The following CLSTN2 variants were observed in gnomAD, a reference collection of about 807,000 sequenced individuals.
The protein encoded by CLSTN2 is calsyntenin 2, also known as calsyntenin-2.
In CLSTN2, 48 loss-of-function variants were observed where a neutral mutation model predicts 101.2. The ratio of observed to expected loss-of-function variants is 0.47; its 90% CI spans 0.38 to 0.60. CLSTN2 has a LOEUF of 0.60. Among genes scored for constraint, CLSTN2 ranks in the 20% least tolerant of loss-of-function variants. CLSTN2 has a pLI of 0.00. For missense variants in CLSTN2, 1,160 were observed against 1,238.2 expected (o/e 0.94, Z 0.95); for synonymous variants, 481 against 463.6 (o/e 1.04, Z -0.48).
intron 2 of CLSTN2, among the ~76,000 whole-genome samples, chr3:140,392,473 T>C (rs1199822026): frequency 6.6e-6 from 1 of 152,160 alleles, no homozygotes; most frequent in Non-Finnish European, 1.5e-5. Flanking sequence ...GAAAAATTGA[T>C]TCACATAACC....
chr3:140,353,863 A>G (rs542207540), intron 2 of CLSTN2, among the ~76,000 whole-genome samples: 4 of 152,298 alleles, frequency 2.6e-5, no homozygotes, highest in African/African-American at 7.2e-5. Context: ...CCTGGGTTCA[A>G]CTAAACAGGC....
intron 1 of CLSTN2, among the ~76,000 whole-genome samples, chr3:140,030,410 A>G (rs909393359): frequency 6.6e-6 from 1 of 150,560 alleles, no homozygotes; most frequent in Admixed American, 6.6e-5. Flanking sequence ...CAGCTGTGTC[A>G]TTGGAAGGCT....
In CLSTN2 at chr3:139,958,104, C is replaced by A. The variant is rs533802275; in HGVS notation, c.109+22621C>A. On this transcript the variant is annotated intron_variant, in intron 1 of 16. Coordinates refer to ENST00000458420, the MANE Select transcript of CLSTN2 (RefSeq NM_022131.3). Reference sequence around the variant, plus strand: ...GGGTGCCTGGCTGCTTGCTCTCCTTCAAAAGGAGAAACTAGGGGCCAACTC... The same window carrying A: ...GGGTGCCTGGCTGCTTGCTCTCCTTAAAAAGGAGAAACTAGGGGCCAACTC... 3.3e-5 allele frequency among the ~76,000 whole-genome samples: 5 copies of A among 152,310 alleles called. No homozygotes were observed. In the South Asian group the frequency reaches 1.0e-3, roughly 32 times the overall value.
At position 140,134,910 on chromosome 3, in the gene CLSTN2, G is replaced by C. The variant is rs539622389; in HGVS notation, c.110-41041G>C. ...TGTGAAGAATTACCTAAGCTGGCTT[G>C]TTAAAAGAAGGTTGGAAAGGTGACT... On this transcript the variant is annotated intron_variant, in intron 1 of 16. Transcript: ENST00000458420. Among the ~76,000 whole-genome samples the C allele has an allele frequency of 4.6e-5, 7 of 151,934 alleles. No homozygotes were observed. In the South Asian group the frequency reaches 1.0e-3, roughly 23 times the overall value.
At chr3:140,453,444 A>G (rs1933299182) in intron 6 of CLSTN2, among the ~76,000 whole-genome samples, 1 of 152,214 alleles carries the variant, frequency 6.6e-6, no homozygotes, top group South Asian at 2.1e-4. Context: ...CTCCTGCACA[A>G]ATTTATTAAT....
intron 2 of CLSTN2, among the ~76,000 whole-genome samples, chr3:140,237,007 T>C (rs2086424403): frequency 6.6e-6 from 1 of 152,154 alleles, no homozygotes; most frequent in South Asian, 2.1e-4. Flanking sequence ...CTACGAACTA[T>C]CTCTTCTCCT....
chr3:140,418,238 A>T (rs149544049), intron 4 of CLSTN2, among the ~76,000 whole-genome samples: 1 of 152,146 alleles, frequency 6.6e-6, no homozygotes, highest in Non-Finnish European at 1.5e-5. Context: ...ATAACCACAT[A>T]TAAGTTTGAG....
At chr3:140,269,446 G>A (rs1164473643) in intron 2 of CLSTN2, among the ~76,000 whole-genome samples, 2 of 152,184 alleles carry the variant, frequency 1.3e-5, no homozygotes, top group Admixed American at 6.5e-5. Flanking sequence ...ATACCTGCTG[G>A]CAGGGATGGC....
chr3:140,003,818 A>G (rs1336628463), intron 1 of CLSTN2, among the ~76,000 whole-genome samples: 5 of 152,172 alleles, frequency 3.3e-5, no homozygotes, highest in Non-Finnish European at 7.3e-5. Flanking sequence ...TGTTGATGTG[A>G]TGTAACACAT....
chr3:140,389,350 CA>C (rs1424274984), intron 2 of CLSTN2, among the ~76,000 whole-genome samples: 1 of 152,186 alleles, frequency 6.6e-6, no homozygotes, highest in East Asian at 1.9e-4. Flanking sequence ...CATGTGTTCT[CA>C]TTGTTCAGCT....
chr3:140,504,451 G>C (rs908668966), intron 8 of CLSTN2, among the ~76,000 whole-genome samples: 1 of 152,012 alleles, frequency 6.6e-6, no homozygotes, highest in Non-Finnish European at 1.5e-5. Flanking sequence ...TGAACACTCT[G>C]CATTTTTATG....
At chr3:140,497,514 C>A (rs1474686738) in intron 8 of CLSTN2, among the ~76,000 whole-genome samples, 1 of 152,168 alleles carries the variant, frequency 6.6e-6, no homozygotes, top group Non-Finnish European at 1.5e-5. Context: ...GCAGAAATGG[C>A]GGCCGCCCCC....
At position 140,435,682 on chromosome 3, in the gene CLSTN2, A is replaced by G. The variant is rs1016905852; in HGVS notation, c.788-12837A>G. On this transcript the variant is annotated intron_variant, in intron 5 of 16. Transcript: ENST00000458420. ...AGTAGTTGTATTAATTTACATTCCC[A>G]CCAACAGTGTACAAGGGTTCCCTTT... Among the ~76,000 whole-genome samples the G allele has an allele frequency of 2.0e-5, 3 of 152,200 alleles. No homozygotes were observed. The East Asian group carries it at 5.8e-4, about 29-fold the overall frequency.
chr3:140,026,872 T>C (rs1398845250), intron 1 of CLSTN2, among the ~76,000 whole-genome samples: 1 of 152,184 alleles, frequency 6.6e-6, no homozygotes, highest in African/African-American at 2.4e-5. Context: ...GGTGGTCACT[T>C]TTCCTCTTGG....
intron 1 of CLSTN2, among the ~76,000 whole-genome samples, chr3:140,050,191 C>A (rs1249247680): frequency 6.6e-6 from 1 of 152,174 alleles, no homozygotes; most frequent in African/African-American, 2.4e-5. Flanking sequence ...TTGAGCAAAT[C>A]CACAAAGCTT....
chr3:140,072,226 C>A (rs893540740), intron 1 of CLSTN2, among the ~76,000 whole-genome samples: 2 of 152,002 alleles, frequency 1.3e-5, no homozygotes, highest in African/African-American at 4.8e-5. Flanking sequence ...CATAAATATC[C>A]ATTAGTAGGG....
intron 2 of CLSTN2, among the ~76,000 whole-genome samples, chr3:140,303,605 A>G (rs559895475): frequency 1.3e-5 from 2 of 152,242 alleles, no homozygotes; most frequent in Admixed American, 1.3e-4. Context: ...AATATATCCA[A>G]CTGAAGGTCA....
intron 2 of CLSTN2, among the ~76,000 whole-genome samples, chr3:140,281,208 A>C (rs2086843618): frequency 6.6e-6 from 1 of 152,194 alleles, no homozygotes; most frequent in African/African-American, 2.4e-5. Flanking sequence ...TTAAAATCTC[A>C]TTCAATCAGC....
intron 10 of CLSTN2, among the ~76,000 whole-genome samples, chr3:140,547,620 G>A (rs1414099263): frequency 6.6e-6 from 1 of 152,210 alleles, no homozygotes; most frequent in African/African-American, 2.4e-5. Context: ...TCTCTCATTT[G>A]AGAGAAGCTC....
Sources: allele counts gnomAD v4.1 joint callset (sites outside exome capture counted in the v4.1 genomes callset), GRCh38; gene constraint gnomAD v4.1.1; transcripts MANE v1.5; gene names NCBI Gene and HGNC (gene_info 2026-07-23, HGNC 2026-07-21).